FRY: variants seen among roughly 807,000 people sequenced by gnomAD.
FRY encodes the protein FRY microtubule binding protein, also known as protein furry homolog.
In FRY, 128 loss-of-function variants were observed where a neutral mutation model predicts 348.4. The observed-to-expected ratio is 0.37, with a 90% CI of 0.32 to 0.43. The LOEUF is 0.43. Ranked by LOEUF, FRY falls within the 20% of genes least tolerant of loss-of-function variation. FRY has a pLI of 1.00. For synonymous variants in FRY, 1,370 were observed against 1,374.7 expected (o/e 1.00, Z 0.08); for missense variants, 2,736 against 3,695.2 (o/e 0.74, Z 6.73).
chr13:32,114,902 A>G (rs1878205279), intron 3 of FRY, among the ~76,000 whole-genome samples: 1 of 152,206 alleles, frequency 6.6e-6, no homozygotes, highest in South Asian at 2.1e-4. Flanking sequence ...AGCAGGAAAA[A>G]TATGTCTTGG....
At chr13:32,220,942 G>C (rs1261911214) in intron 36 of FRY, among the ~76,000 whole-genome samples, 1 of 152,320 alleles carries the variant, frequency 6.6e-6, no homozygotes, top group Non-Finnish European at 1.5e-5. Context: ...ACTGAGATGA[G>C]TTACTAGTGC....
At position 32,228,449 on chromosome 13, in the gene FRY, C is replaced by T; in HGVS notation, c.5207-7C>T. 6.2e-7 allele frequency: 1 copy of T among 1,610,432 alleles called. No homozygotes were observed. Among genetic ancestry groups the T allele is most frequent in the Non-Finnish European group, 8.5e-7 (1 of 1,178,268 alleles). On this transcript the variant is annotated splice_region_variant and splice_polypyrimidine_tract_variant and intron_variant, in intron 39 of 60. Coordinates refer to ENST00000542859, the MANE Select transcript of FRY (RefSeq NM_023037.3). ...TACATCCCTCCTTGACCTTCTTCTC[C>T]CACCAGGTGGCTTTGACTTCCTGAG...
At chr13:32,151,948 G>T (rs1206102036) in intron 14 of FRY, among the ~76,000 whole-genome samples, 1 of 152,018 alleles carries the variant, frequency 6.6e-6, no homozygotes, top group Non-Finnish European at 1.5e-5. Flanking sequence ...AAGTCTGTAG[G>T]ATACAAGAGA....
At chr13:32,043,863 A>G (rs549032681) in intron 1 of FRY, among the ~76,000 whole-genome samples, 1 of 152,304 alleles carries the variant, frequency 6.6e-6, no homozygotes, top group East Asian at 1.9e-4. Flanking sequence ...GCAAATTATA[A>G]GAAATAATAT....
intron 59 of FRY, among the ~76,000 whole-genome samples, chr13:32,290,526 A>T (rs1045135207): frequency 1.3e-5 from 2 of 152,134 alleles, no homozygotes; most frequent in Non-Finnish European, 2.9e-5. Flanking sequence ...GCTACTTAGT[A>T]TTGCTAGAAT....
At chr13:32,057,923 A>G (rs1443261540) in intron 1 of FRY, among the ~76,000 whole-genome samples, 3 of 151,954 alleles carry the variant, frequency 2.0e-5, no homozygotes, top group East Asian at 1.9e-4. Flanking sequence ...TCGCGCCACT[A>G]TACTCCAGCC....
intron 14 of FRY, among the ~76,000 whole-genome samples, chr13:32,151,272 T>C (rs1462137014): frequency 2.0e-5 from 3 of 152,254 alleles, no homozygotes; most frequent in Non-Finnish European, 4.4e-5. Flanking sequence ...AGTTAACCTC[T>C]CTGTGTAGAG....
At chr13:32,198,501 A>C (rs889041858) in intron 29 of FRY, among the ~76,000 whole-genome samples, 9 of 152,204 alleles carry the variant, frequency 5.9e-5, no homozygotes, top group Non-Finnish European at 1.3e-4. Context: ...TAGGAGACTG[A>C]GAGCATTGTA....
chr13:32,057,833 A>G (rs780421887), intron 1 of FRY, among the ~76,000 whole-genome samples: 15 of 151,992 alleles, frequency 9.9e-5, no homozygotes, highest in Admixed American at 2.0e-4. Flanking sequence ...GGTGGCGGGC[A>G]CCTGTAGTCC....
intron 36 of FRY, among the ~76,000 whole-genome samples, chr13:32,220,771 T>G (rs561933927): frequency 6.6e-6 from 1 of 152,356 alleles, no homozygotes; most frequent in African/African-American, 2.4e-5. Flanking sequence ...ATTTACTTTT[T>G]AATTCTTCAA....
chr13:32,202,085 A>G, intron 30 of FRY, 45 bp downstream of exon 30: 1 of 1,123,300 alleles, frequency 8.9e-7, no homozygotes, highest in Middle Eastern at 1.9e-4. Flanking sequence ...CCTTGAGTAC[A>G]GAAAATAGAA....
At chr13:32,197,278 T>C (rs1275505932) in intron 29 of FRY, among the ~76,000 whole-genome samples, 1 of 152,248 alleles carries the variant, frequency 6.6e-6, no homozygotes, top group African/African-American at 2.4e-5. Context: ...ATCTTCCTAA[T>C]TTAAGTCAGG....
In FRY at chr13:32,194,190, T is replaced by C. The variant is rs1430218854; in HGVS notation, c.3639T>C (p.Asn1213=). 2 of 1,614,098 alleles carry C rather than the reference T, an allele frequency of 1.2e-6. No homozygotes were observed. Among genetic ancestry groups the C allele is most frequent in the East Asian group, 2.2e-5 (1 of 44,880 alleles). ...CEVVVLLLEL[N]PDQINLFNWA... is the part of the protein sequence containing the mutation. The stretch of plus-strand genomic sequence containing the variant: ...TTGTTGTCTTGCTACTGGAACTTAA[T>C]CCTGACCAAATAAATCTTTTTAACT... Residue 1213 remains asparagine, a synonymous_variant, in exon 29 of 61, where the codon AAT becomes AAC. Coordinates refer to ENST00000542859, the MANE Select transcript of FRY (RefSeq NM_023037.3).
At chr13:32,048,349 A>G (rs900048384) in intron 1 of FRY, among the ~76,000 whole-genome samples, 34 of 152,256 alleles carry the variant, frequency 2.2e-4, no homozygotes, top group African/African-American at 6.3e-4. Context: ...TTTCCTCTGT[A>G]ACCCTCACCT....
intron 3 of FRY, among the ~76,000 whole-genome samples, chr13:32,106,464 C>A (rs951113596): frequency 2.0e-5 from 3 of 152,076 alleles, no homozygotes; most frequent in Admixed American, 2.0e-4. Context: ...CTACAAATGG[C>A]AAATAAAGTA....
chr13:32,248,582 A>G (rs1886919609), intron 48 of FRY, among the ~76,000 whole-genome samples: 1 of 152,124 alleles, frequency 6.6e-6, no homozygotes, highest in Non-Finnish European at 1.5e-5. Context: ...TACTTGCACT[A>G]TTATGTAGGT....
In FRY at chr13:32,169,133, T is replaced by C. The variant is rs544105714; in HGVS notation, c.1893-1879T>C. ...CCAGGCTACTGAGTTCTAAATATCT[T>C]TGGCCTCTGTCTGCCCTTGCCCCAC... is the stretch of plus-strand genomic sequence containing the variant. On this transcript the variant is annotated intron_variant, in intron 17 of 60. Coordinates refer to ENST00000542859, the MANE Select transcript of FRY (RefSeq NM_023037.3). 5.1e-4 allele frequency among the ~76,000 whole-genome samples: 78 copies of C among 152,310 alleles called. 1 individual carries two copies. In the South Asian group the frequency reaches 7.3e-3, roughly 14 times the overall value.
chr13:32,096,346 A>G (rs1275431441), intron 2 of FRY, among the ~76,000 whole-genome samples: 6 of 152,036 alleles, frequency 3.9e-5, no homozygotes, highest in African/African-American at 1.4e-4. Flanking sequence ...GAGGAGACAG[A>G]CAAGTTACAA....
chr13:32,031,885 C>T lies in FRY; in HGVS notation c.70+20C>T, dbSNP rs1566037920. 1 of 1,355,512 alleles carries T rather than the reference C, an allele frequency of 7.4e-7. No homozygotes were observed. The allele number at this position is 1,355,512 out of a possible 1,614,324, so 84.0% of individuals were successfully genotyped here. On this transcript the variant is annotated intron_variant, in intron 1 of 60. Transcript: ENST00000542859. ...GTAATAGTGAGTAATAGAAAATAAC[C>T]TTTTTGTTTGTTTGTTTGCTGGATG...
Sources: gnomAD v4.1 joint callset for allele counts (sites outside exome capture counted in the v4.1 genomes callset) on GRCh38, gnomAD v4.1.1 for gene constraint, MANE v1.5 for transcripts, NCBI Gene and HGNC (gene_info 2026-07-23, HGNC 2026-07-21) for gene names.